Variants in DLGAP5 observed in about 807,000 individuals in gnomAD.
DLGAP5 encodes the protein DLG associated protein 5.
Under a neutral mutation model 99.6 loss-of-function variants are expected in DLGAP5, and 90 were observed. The observed-to-expected ratio is 0.90, with a 90% CI of 0.76 to 1.08. The LOEUF is 1.08. Ranked by LOEUF, DLGAP5 falls within the 50% of genes least tolerant of loss-of-function variation. The pLI is 0.00. For missense variants in DLGAP5, 1,036 were observed against 983.5 expected (o/e 1.05, Z -0.71); for synonymous variants, 311 against 321.3 (o/e 0.97, Z 0.34).
chr14:55,165,470 G>A (rs779421040), intron 12 of DLGAP5, among the ~76,000 whole-genome samples: 3 of 151,836 alleles, frequency 2.0e-5, no homozygotes, highest in Non-Finnish European at 4.4e-5. Context: ...TTGCAGTGAG[G>A]TGAGATTGTG....
Position 55,151,957 on chromosome 14 carries a change from GCA to G in DLGAP5, c.2122-18_2122-17del. On this transcript the variant is annotated splice_polypyrimidine_tract_variant and intron_variant, in intron 16 of 18. Coordinates refer to ENST00000247191, the MANE Select transcript of DLGAP5 (RefSeq NM_014750.5). ...TATTTACAACCTGGAAGTAAAAATG[GCA>G]TTATATTTAATTATCAATTTAATTA... 6.3e-7 allele frequency: 1 copy of G among 1,596,740 alleles called. No individual in the cohort carries two copies. The highest frequency in any genetic ancestry group is 1.1e-5 in the South Asian group (1 of 87,864).
intron 7 of DLGAP5, 77 bp downstream of exon 7, chr14:55,179,550 TTA>T: frequency 8.1e-7 from 1 of 1,242,172 alleles, no homozygotes. Flanking sequence ...AAGCAGTTCT[TTA>T]TGTTTAATTT....
At position 55,152,624 on chromosome 14, in the gene DLGAP5, C is replaced by T. The variant is rs1173212033; in HGVS notation, c.2087G>A (p.Cys696Tyr). The T allele has an allele frequency of 6.2e-7, 1 of 1,601,754 alleles. No individual in the cohort carries two copies. The highest frequency in any genetic ancestry group is 1.1e-5 in the South Asian group (1 of 87,940). Residue 696 changes from cysteine (C) to tyrosine (Y), a missense_variant, in exon 16 of 19, where the codon TGT becomes TAT. Transcript: ENST00000247191. The part of the protein sequence containing the change: ...ESRSSIEDAQ[C>Y]PGLPDLIEEN... ...TTCAATTAAATCTGGTAATCCAGGACACTGAGCATCTTCTATGCTGCTCCT... is the reference window on the plus strand; with the variant it reads ...TTCAATTAAATCTGGTAATCCAGGATACTGAGCATCTTCTATGCTGCTCCT...
intron 7 of DLGAP5, among the ~76,000 whole-genome samples, chr14:55,178,292 A>T (rs1455404988): frequency 6.6e-6 from 1 of 152,150 alleles, no homozygotes; most frequent in Admixed American, 6.5e-5. Context: ...GTTTAAAATC[A>T]GAAATCTAAC....
intron 12 of DLGAP5, among the ~76,000 whole-genome samples, chr14:55,166,429 A>G (rs1166127158): frequency 6.6e-6 from 1 of 152,168 alleles, no homozygotes; most frequent in Non-Finnish European, 1.5e-5. Context: ...GCATCTTTTT[A>G]TACTGATGAA....
At position 55,151,900 on chromosome 14, in the gene DLGAP5, A is replaced by G. The variant is rs760794371; in HGVS notation, c.2163T>C (p.Ser721=). The change falls in exon 17 of 19, where the codon AGT becomes AGC. Residue 721 remains serine, a synonymous_variant. Transcript: ENST00000247191. ...KTDLKVDCLS[S]ERMSLPLLAG... ...CAAGAAGAGGCAAACTCATTCTCTC[A>G]CTGGATAAACAATCCACCTTCAAGT... 4 of 1,613,964 alleles carry G rather than the reference A, an allele frequency of 2.5e-6. No homozygotes were observed. The highest frequency in any genetic ancestry group is 3.4e-6 in the Non-Finnish European group (4 of 1,179,924).
intron 14 of DLGAP5, among the ~76,000 whole-genome samples, chr14:55,157,679 A>G (rs959272536): frequency 6.6e-6 from 1 of 152,256 alleles, no homozygotes. Context: ...TAAATTGGAA[A>G]ATTAGTACGT....
chr14:55,170,730 C>T lies in DLGAP5; in HGVS notation c.1359G>A (p.Arg453=). Residue 453 remains arginine (R), a synonymous_variant, in exon 11 of 19, where the codon AGG becomes AGA. Coordinates refer to ENST00000247191, the MANE Select transcript of DLGAP5 (RefSeq NM_014750.5). ...KLTSHCFEWD[R]KLELDIPDDA... is the part of the protein sequence containing the mutation. ...CATCTGGAATGTCCAATTCAAGTTT[C>T]CTGTCCCACTCGAAGCAATGTGAAG... The T allele has an allele frequency of 1.2e-6, 2 of 1,613,702 alleles. No individual in the cohort carries two copies. The highest frequency in any genetic ancestry group is 1.3e-5 in the African/African-American group (1 of 75,026).
chr14:55,176,434 A>G (rs1464406846), intron 8 of DLGAP5, among the ~76,000 whole-genome samples: 1 of 152,232 alleles, frequency 6.6e-6, no homozygotes, highest in African/African-American at 2.4e-5. Flanking sequence ...AAAATGAGGA[A>G]AAAGTCGTAT....
intron 2 of DLGAP5, among the ~76,000 whole-genome samples, chr14:55,186,827 T>C (rs1310724334): frequency 1.3e-5 from 2 of 152,246 alleles, no homozygotes; most frequent in Non-Finnish European, 2.9e-5. Context: ...CGATATGCAC[T>C]TTTCTACTCG....
intron 3 of DLGAP5, among the ~76,000 whole-genome samples, chr14:55,183,089 G>A (rs1338644145): frequency 6.6e-6 from 1 of 151,966 alleles, no homozygotes; most frequent in African/African-American, 2.4e-5. Flanking sequence ...CCTGTCAAAT[G>A]CCTTTATTTA....
intron 18 of DLGAP5, 95 bp downstream of exon 18, chr14:55,150,704 A>G: frequency 1.1e-6 from 1 of 945,420 alleles, no homozygotes; most frequent in African/African-American, 1.8e-5. Context: ...ATGACAAGAT[A>G]TACATTTTAA....
intron 4 of DLGAP5, among the ~76,000 whole-genome samples, chr14:55,182,127 C>T (rs1883298359): frequency 2.0e-5 from 3 of 152,116 alleles, no homozygotes. Flanking sequence ...TAATAGGAGC[C>T]CACTAAACAA....
At chr14:55,148,988 G>A in intron 18 of DLGAP5, among the ~76,000 whole-genome samples, 1 of 151,922 alleles carries the variant, frequency 6.6e-6, no homozygotes, top group East Asian at 1.9e-4. Context: ...GATCCTGCTG[G>A]GATCTTTTTA....
chr14:55,158,958 TAGA>T (rs1348810054), intron 13 of DLGAP5, among the ~76,000 whole-genome samples: 1 of 151,822 alleles, frequency 6.6e-6, no homozygotes, highest in Non-Finnish European at 1.5e-5. Context: ...TGCAGCTTAG[TAGA>T]AGATCTGGGA....
chr14:55,183,629 A>G lies in DLGAP5; in HGVS notation c.363T>C (p.Gly121=), dbSNP rs1594683869. ...AACAAGGCATATCAGGTCTATAACGACCCACTTTAAATATTCCTCGTTTAG... is the reference window on the plus strand; with the variant it reads ...AACAAGGCATATCAGGTCTATAACGGCCCACTTTAAATATTCCTCGTTTAG... ...EKAKRGIFKV[G]RYRPDMPCFL... The change falls in exon 3 of 19, where the codon GGT becomes GGC. Residue 121 remains glycine, a synonymous_variant. Coordinates refer to ENST00000247191, the MANE Select transcript of DLGAP5 (RefSeq NM_014750.5). The G allele has an allele frequency of 5.6e-6, 9 of 1,610,398 alleles. No individual in the cohort carries two copies. The highest frequency in any genetic ancestry group is 7.6e-6 in the Non-Finnish European group (9 of 1,179,026).
chr14:55,184,968 CTATT>C (rs1457753881), intron 2 of DLGAP5, among the ~76,000 whole-genome samples: 5 of 152,152 alleles, frequency 3.3e-5, no homozygotes, highest in Admixed American at 1.3e-4. Flanking sequence ...ATTATAGGTG[CTATT>C]TATTATAATA....
At chr14:55,150,342 A>C (rs1881975056) in intron 18 of DLGAP5, 1 of 154,918 alleles carries the variant, frequency 6.5e-6, no homozygotes, top group South Asian at 2.0e-4. Flanking sequence ...GAGCTTTTAC[A>C]GAAGGCTTCA....
intron 15 of DLGAP5, 97 bp downstream of exon 15, chr14:55,154,520 A>T (rs1297900245): frequency 9.8e-7 from 1 of 1,017,310 alleles, no homozygotes; most frequent in African/African-American, 1.6e-5. Context: ...GAAATTTATT[A>T]AAAATATATG....
Sources: gnomAD v4.1 joint callset for allele counts (sites outside exome capture counted in the v4.1 genomes callset) on GRCh38, gnomAD v4.1.1 for gene constraint, MANE v1.5 for transcripts, NCBI Gene and HGNC (gene_info 2026-07-23, HGNC 2026-07-21) for gene names.